Variants in CATSPERB observed in about 807,000 individuals in gnomAD.
CATSPERB encodes the protein catsper channel auxiliary subunit beta.
Under a neutral mutation model 128.3 loss-of-function variants are expected in CATSPERB, and 93 were observed. That is an observed-to-expected ratio of 0.72 (90% CI 0.61 to 0.86). The LOEUF (loss-of-function observed/expected upper bound fraction) is 0.86, where lower values mean the gene tolerates loss of function less well. CATSPERB is among the 40% of genes least tolerant of loss of function. The pLI is 0.00. For synonymous variants in CATSPERB, 381 were observed against 448.8 expected (o/e 0.85, Z 1.91); for missense variants, 1,153 against 1,329.5 (o/e 0.87, Z 2.06).
chr14:91,637,937 AT>A (rs1281937446), intron 16 of CATSPERB, among the ~76,000 whole-genome samples: 1 of 152,138 alleles, frequency 6.6e-6, no homozygotes, highest in African/African-American at 2.4e-5. Flanking sequence ...CTTTGTATAA[AT>A]GCGGAATTCA....
intron 15 of CATSPERB, among the ~76,000 whole-genome samples, chr14:91,656,124 T>TA (rs1182122710): frequency 6.6e-6 from 1 of 151,820 alleles, no homozygotes; most frequent in Non-Finnish European, 1.5e-5. Context: ...TTTTCTGAGA[T>TA]AAAAAAAGAA....
At chr14:91,604,938 G>A in intron 22 of CATSPERB, 4 of 1,195,390 alleles carry the variant, frequency 3.3e-6, no homozygotes, top group Non-Finnish European at 5.0e-6. Context: ...ATGTTGGAAA[G>A]TTCTTGCATC....
intron 15 of CATSPERB, among the ~76,000 whole-genome samples, chr14:91,658,168 A>G (rs764757961): frequency 1.8e-4 from 28 of 152,150 alleles, no homozygotes; most frequent in Non-Finnish European, 3.4e-4. Context: ...TAAAGAAAAT[A>G]TGGTACATAT....
intron 19 of CATSPERB, among the ~76,000 whole-genome samples, chr14:91,620,457 A>C (rs1173402091): frequency 6.6e-6 from 1 of 151,616 alleles, no homozygotes; most frequent in Non-Finnish European, 1.5e-5. Flanking sequence ...TGGTGGCACA[A>C]TTTTCTTCTT....
At chr14:91,603,829 G>A (rs932396369) in intron 22 of CATSPERB, among the ~76,000 whole-genome samples, 2 of 152,118 alleles carry the variant, frequency 1.3e-5, no homozygotes, top group Admixed American at 6.6e-5. Context: ...TAAACCATTC[G>A]TGAGAGACTG....
intron 14 of CATSPERB, among the ~76,000 whole-genome samples, chr14:91,660,622 G>A (rs1407166789): frequency 6.6e-6 from 1 of 152,078 alleles, no homozygotes; most frequent in Non-Finnish European, 1.5e-5. Flanking sequence ...TTAATAGCCT[G>A]AGACTCATTC....
At position 91,624,800 on chromosome 14, in the gene CATSPERB, T is replaced by C; in HGVS notation, c.1930+20A>G. On this transcript the variant is annotated intron_variant, in intron 18 of 26. Transcript: ENST00000256343. ...CATTTTTTTCTAGCCATCAGAGATG[T>C]ATGATATTATTATACCTACCTTGTG... The C allele has an allele frequency of 3.3e-6, 5 of 1,531,334 alleles. No individual in the cohort carries two copies. The highest frequency in any genetic ancestry group is 4.4e-6 in the Non-Finnish European group (5 of 1,135,642). The allele number at this position is 1,531,334 out of a possible 1,614,324, so 94.9% of individuals were successfully genotyped here.
At chr14:91,680,331 A>C (rs962675799) in intron 11 of CATSPERB, among the ~76,000 whole-genome samples, 1 of 152,194 alleles carries the variant, frequency 6.6e-6, no homozygotes, top group Non-Finnish European at 1.5e-5. Context: ...TGATATTATA[A>C]GGGCTGGTTT....
chr14:91,722,986 C>T, intron 4 of CATSPERB, 63 bp downstream of exon 4: 2 of 1,251,798 alleles, frequency 1.6e-6, no homozygotes, highest in Non-Finnish European at 2.1e-6. Context: ...AAAAATACAT[C>T]CTATAAGGAA....
chr14:91,616,372 C>T (rs1051971090), intron 20 of CATSPERB, among the ~76,000 whole-genome samples: 27 of 151,938 alleles, frequency 1.8e-4, no homozygotes, highest in African/African-American at 6.0e-4. Context: ...ACATTTATTC[C>T]GTATCTGTCT....
chr14:91,612,922 T>C (rs977048001), intron 20 of CATSPERB, among the ~76,000 whole-genome samples: 3 of 152,074 alleles, frequency 2.0e-5, no homozygotes, highest in African/African-American at 7.2e-5. Flanking sequence ...GGGAAGAAAA[T>C]GGAGTAGTAG....
intron 20 of CATSPERB, among the ~76,000 whole-genome samples, chr14:91,615,750 T>G (rs1743147): frequency 0.91 from 139,184 of 152,208 alleles, 63,674 homozygotes; most frequent in East Asian, 0.97. Context: ...GAATAGTGCT[T>G]CAGTAAACAC....
intron 14 of CATSPERB, among the ~76,000 whole-genome samples, chr14:91,661,524 C>CATATATATATAT (rs58330624): frequency 0.031 from 3,966 of 126,790 alleles, 174 homozygotes; most frequent in Admixed American, 0.11. Flanking sequence ...CAGATGCTAT[C>CATATATATATAT]ATATATATAT....
At chr14:91,678,206 C>T (rs949243892) in intron 11 of CATSPERB, among the ~76,000 whole-genome samples, 5 of 152,202 alleles carry the variant, frequency 3.3e-5, no homozygotes, top group African/African-American at 9.6e-5. Context: ...AACGAGCCTA[C>T]ACGTTCTGCA....
At chr14:91,660,709 T>A (rs149843684) in intron 14 of CATSPERB, among the ~76,000 whole-genome samples, 61 of 152,352 alleles carry the variant, frequency 4.0e-4, no homozygotes, top group Admixed American at 9.8e-4. Context: ...AGGCTTTTCT[T>A]ACATTTCCAA....
chr14:91,721,814 C>A (rs559925770), intron 4 of CATSPERB, among the ~76,000 whole-genome samples: 1 of 150,298 alleles, frequency 6.7e-6, no homozygotes, highest in African/African-American at 2.5e-5. Context: ...CGCACCACTG[C>A]ACTCCAGCCT....
intron 14 of CATSPERB, among the ~76,000 whole-genome samples, chr14:91,663,772 T>C (rs1000825395): frequency 4.6e-5 from 7 of 152,206 alleles, no homozygotes; most frequent in Non-Finnish European, 8.8e-5. Context: ...TAATTTTTTC[T>C]TTTTTATTGA....
chr14:91,610,524 C>A lies in CATSPERB; in HGVS notation c.2554G>T (p.Val852Phe), dbSNP rs1192041458. The A allele has an allele frequency of 1.2e-6, 2 of 1,613,752 alleles. No individual in the cohort carries two copies. Among genetic ancestry groups the A allele is most frequent in the African/African-American group, 2.7e-5 (2 of 74,840 alleles). ...FIPFEDWISGVHKDSQGFNLI... is the reference protein window; with the variant it reads ...FIPFEDWISGFHKDSQGFNLI... ...TTAAAACCCTGACTGTCTTTATGAA[C>A]TCCACTAATCCAGTCTTCAAATGGG... Residue 852 changes from valine (V) to phenylalanine (F), a missense_variant, in exon 21 of 27, where the codon GTT (valine) becomes TTT (phenylalanine). By Grantham distance (50) the Val-to-Phe change is conservative. Coordinates refer to ENST00000256343, the MANE Select transcript of CATSPERB (RefSeq NM_024764.4).
At chr14:91,610,823 T>A in intron 20 of CATSPERB, 146 bp from the exon 21 acceptor site, 1 of 726,420 alleles carries the variant, frequency 1.4e-6, no homozygotes, top group Non-Finnish European at 2.2e-6. Flanking sequence ...AGGAGGTAAT[T>A]AAGGTAAAAT....
Sources: gnomAD v4.1 joint callset for allele counts (sites outside exome capture counted in the v4.1 genomes callset) on GRCh38, gnomAD v4.1.1 for gene constraint, MANE v1.5 for transcripts, NCBI Gene and HGNC (gene_info 2026-07-23, HGNC 2026-07-21) for gene names.